FOXO3B: variants seen among roughly 807,000 people sequenced by gnomAD.
FOXO3B encodes forkhead box O3B, also known as forkhead box protein O3B.
A neutral mutation model predicts 21.9 loss-of-function variants in FOXO3B; 15 were observed. The ratio of observed to expected loss-of-function variants is 0.68; its 90% CI spans 0.46 to 1.05. The LOEUF (loss-of-function observed/expected upper bound fraction) is 1.05. Ranked by LOEUF, FOXO3B falls within the 50% of genes least tolerant of loss-of-function variation. FOXO3B has a pLI of 0.00. For synonymous variants in FOXO3B, 135 were observed against 213.6 expected, an observed-to-expected ratio of 0.63 and a Z score of 3.21; for missense variants, 293 against 435.5, an observed-to-expected ratio of 0.67 and a Z score of 2.91.
chr17:18,677,715 G>A, intron 3 of FOXO3B: 5 of 1,597,718 alleles, frequency 3.1e-6, no homozygotes, highest in Non-Finnish European at 4.3e-6. Context: ...GAAGCTGGCG[G>A]CCAAGAAAAA....
In FOXO3B at chr17:18,674,639, A is replaced by AAAGGG. The variant is rs61684359; in HGVS notation, c.127-1585_127-1584insCCCTT. Among the ~76,000 whole-genome samples, 587 of 121,294 alleles carry AAAGGG rather than the reference A, an allele frequency of 4.8e-3. 27 individuals carry two copies. The highest frequency in any genetic ancestry group is 0.02 in the African/African-American group (556 of 28,418). The allele number at this position is 121,294 out of a possible 152,430, so 79.6% of individuals were successfully genotyped here. Reference sequence around the variant, plus strand: ...AGACTCCATCTCAAAAAAAAAAAAAAGGGGGGGGGGAGATTACAGACAAAT... The same window carrying AAAGGG: ...AGACTCCATCTCAAAAAAAAAAAAAAAAGGGGGGGGGGGGGAGATTACAGACAAAT... On this transcript the variant is annotated intron_variant, in intron 3 of 3. Coordinates refer to ENST00000395675, the MANE Select transcript of FOXO3B (RefSeq NM_001368135.1).
In FOXO3B at chr17:18,671,016, C is replaced by A; in HGVS notation, c.*1293G>T. The A allele has an allele frequency of 2.4e-6, 3 of 1,238,890 alleles. No homozygotes were observed. The highest frequency in any genetic ancestry group is 1.8e-5 in the Admixed American group (1 of 55,770). The allele number at this position is 1,238,890 out of a possible 1,614,324, so 76.7% of individuals were successfully genotyped here. A position where few individuals can be genotyped will look rare whatever the true frequency, so the allele number is the denominator to read the frequency against. ...GAGGGAATCAAAGTTAAAATCCAAC[C>A]CATCAGCATCCATGAGTTCACTACG... is the stretch of plus-strand genomic sequence containing the variant. On this transcript the variant is annotated 3_prime_UTR_variant, in exon 4 of 4. Coordinates refer to ENST00000395675, the MANE Select transcript of FOXO3B (RefSeq NM_001368135.1).
intron 3 of FOXO3B, among the ~76,000 whole-genome samples, chr17:18,673,975 A>G (rs2649415): frequency 1.1e-4 from 16 of 150,700 alleles, no homozygotes; most frequent in East Asian, 5.8e-4. Context: ...TTTGATGACA[A>G]TAAGTACCAT....
Position 18,672,248 on chromosome 17 carries a change from C to A in FOXO3B, c.*61G>T, listed in dbSNP as rs2032383526. ...ATCCACCAAGAGCTCTTGCCAGTTC[C>A]CTCATTCTGGACCCGCATGAATCGA... On this transcript the variant is annotated 3_prime_UTR_variant, in exon 4 of 4. Coordinates refer to ENST00000395675, the MANE Select transcript of FOXO3B (RefSeq NM_001368135.1). The surrounding 1 kb of genome is among the most constrained non-coding windows in gnomAD (Gnocchi z 4.2). 6.2e-7 allele frequency: 1 copy of A among 1,612,776 alleles called. No homozygotes were observed. The highest frequency in any genetic ancestry group is 8.5e-7 in the Non-Finnish European group (1 of 1,179,024).
chr17:18,669,547 C>T lies in FOXO3B; in HGVS notation c.*2762G>A, dbSNP rs1430532028. ...CTATTCCGTCTACCAAAGAAGGTAA[C>T]GAATATAATCACACTTTCCAGGTTA... On this transcript the variant is annotated 3_prime_UTR_variant, in exon 4 of 4. Transcript: ENST00000395675. 2.0e-5 allele frequency: 3 copies of T among 152,454 alleles called. No individual in the cohort carries two copies. Among genetic ancestry groups the T allele is most frequent in the Non-Finnish European group, 2.9e-5 (2 of 68,032 alleles). 9.4% of individuals were successfully genotyped at this position (152,454 alleles called of 1,614,324 possible). A position where few individuals can be genotyped will look rare whatever the true frequency, so the allele number is the denominator to read the frequency against.
At chr17:18,676,818 A>G (rs1028392477) in intron 3 of FOXO3B, among the ~76,000 whole-genome samples, 22 of 151,804 alleles carry the variant, frequency 1.4e-4, no homozygotes, top group Non-Finnish European at 8.8e-5. Context: ...CTCCTGCCTC[A>G]GCCTCCCAAG....
intron 3 of FOXO3B, among the ~76,000 whole-genome samples, chr17:18,674,832 G>A (rs1295470674): frequency 6.6e-6 from 1 of 152,106 alleles, no homozygotes; most frequent in Admixed American, 6.5e-5. Flanking sequence ...TCATACTACT[G>A]TGGAAGATCG....
In FOXO3B at chr17:18,672,408, G is replaced by C; in HGVS notation, c.774C>G (p.Ser258=). The change falls in exon 4 of 4, where the codon TCC becomes TCG. Residue 258 remains serine (S), a synonymous_variant. Transcript: ENST00000395675. This position sits in a 1 kb window ranked among gnomAD's most constrained non-coding sequence, Gnocchi z 4.2. ...ADLITRAIES[S]PDRRLTLSQI... Reference sequence around the variant, plus strand: ...GGGACAGAGTGAGCCGTCTGTCCGGGGAGCTCTCGATGGCGCGGGTGATCA... The same window carrying C: ...GGGACAGAGTGAGCCGTCTGTCCGGCGAGCTCTCGATGGCGCGGGTGATCA... The C allele has an allele frequency of 6.2e-7, 1 of 1,613,098 alleles. No individual in the cohort carries two copies. The highest frequency in any genetic ancestry group is 8.5e-7 in the Non-Finnish European group (1 of 1,179,490).
In FOXO3B at chr17:18,674,647, G is replaced by GGA. The variant is rs1555619493; in HGVS notation, c.127-1593_127-1592insTC. Reference sequence around the variant, plus strand: ...TCTCAAAAAAAAAAAAAAGGGGGGGGGGAGATTACAGACAAATGCAAATTT... The same window carrying GGA: ...TCTCAAAAAAAAAAAAAAGGGGGGGGGAGGAGATTACAGACAAATGCAAATTT... On this transcript the variant is annotated intron_variant, in intron 3 of 3. Coordinates refer to ENST00000395675, the MANE Select transcript of FOXO3B (RefSeq NM_001368135.1). 2.3e-4 allele frequency among the ~76,000 whole-genome samples: 34 copies of GGA among 146,020 alleles called. 1 individual carries two copies. The highest frequency in any genetic ancestry group is 8.2e-4 in the African/African-American group (32 of 38,806).
In FOXO3B at chr17:18,669,757, T is replaced by C. The variant is rs941222469; in HGVS notation, c.*2552A>G. 2.0e-5 allele frequency among the ~76,000 whole-genome samples: 3 copies of C among 152,212 alleles called. No individual in the cohort carries two copies. Among genetic ancestry groups the C allele is most frequent in the Non-Finnish European group, 4.4e-5 (3 of 68,042 alleles). On this transcript the variant is annotated 3_prime_UTR_variant, in exon 4 of 4. Coordinates refer to ENST00000395675, the MANE Select transcript of FOXO3B (RefSeq NM_001368135.1). Reference sequence around the variant, plus strand: ...CTATTGCCTCTCACTCATACACTTCTAGCAGATCAGATTATATAGCAAGGC... The same window carrying C: ...CTATTGCCTCTCACTCATACACTTCCAGCAGATCAGATTATATAGCAAGGC...
At position 18,669,752 on chromosome 17, in the gene FOXO3B, A is replaced by G. The variant is rs2032329141; in HGVS notation, c.*2557T>C. The stretch of plus-strand genomic sequence containing the variant: ...ATATGCTATTGCCTCTCACTCATAC[A>G]CTTCTAGCAGATCAGATTATATAGC... On this transcript the variant is annotated 3_prime_UTR_variant, in exon 4 of 4. Coordinates refer to ENST00000395675, the MANE Select transcript of FOXO3B (RefSeq NM_001368135.1). Among the ~76,000 whole-genome samples, 1 of 152,170 alleles carries G rather than the reference A, an allele frequency of 6.6e-6. No individual in the cohort carries two copies. Among genetic ancestry groups the G allele is most frequent in the South Asian group, 2.1e-4 (1 of 4,828 alleles).
At chr17:18,680,607 C>T in intron 3 of FOXO3B, 134 bp downstream of exon 3, 1 of 661,044 alleles carries the variant, frequency 1.5e-6, no homozygotes, top group Non-Finnish European at 2.5e-6. Flanking sequence ...AGTCTCCTGA[C>T]TAGTCTCTTA....
rs772289752 is a variant in FOXO3B, at chr17:18,673,020, G to T, written c.162C>A (p.Ser54Arg). The change falls in exon 4 of 4, where the codon AGC becomes AGA. Residue 54 changes from serine (S) to arginine (R), a missense_variant. Ser to Arg is a moderately radical substitution (Grantham distance 110). Transcript: ENST00000395675. ...AAAAAAPGSRSLRGVHVPPPL... is the reference protein window; with the variant it reads ...AAAAAAPGSRRLRGVHVPPPL... ...GGGGAGGGACGTGGACGCCGCGAAG[G>T]CTCCGGCTCCCGGGCGCCGCCGCCG... is the stretch of plus-strand genomic sequence containing the variant. The T allele has an allele frequency of 1.4e-6, 2 of 1,460,628 alleles. No individual in the cohort carries two copies. Among genetic ancestry groups the T allele is most frequent in the South Asian group, 2.5e-5 (2 of 78,454 alleles). The allele number at this position is 1,460,628 out of a possible 1,614,324, so 90.5% of individuals were successfully genotyped here.
At chr17:18,679,220 C>T (rs1381387120) in intron 3 of FOXO3B, among the ~76,000 whole-genome samples, 1 of 152,232 alleles carries the variant, frequency 6.6e-6, no homozygotes, top group African/African-American at 2.4e-5. Context: ...ATTTTATCCG[C>T]TGCAACTTAA....
Position 18,672,556 on chromosome 17 carries a change from T to G in FOXO3B, c.626A>C (p.Gln209Pro), listed in dbSNP as rs1020892764. 6.9e-7 allele frequency: 1 copy of G among 1,453,512 alleles called. No homozygotes were observed. Among genetic ancestry groups the G allele is most frequent in the Non-Finnish European group, 9.0e-7 (1 of 1,107,064 alleles). The allele number at this position is 1,453,512 out of a possible 1,614,324, so 90.0% of individuals were successfully genotyped here. ...CGGTTGCTGAGGCTGCAGCAGCGCC[T>G]GTGTACCCCCGCTCAGCCCGCCCGC... Reference protein sequence around the residue: ...TAAGGLSGGTQALLQPQQPLP... With the variant: ...TAAGGLSGGTPALLQPQQPLP... The change falls in exon 4 of 4, where the codon CAG becomes CCG. Residue 209 changes from glutamine (Q) to proline (P), a missense_variant. Gln to Pro is a moderately conservative substitution (Grantham distance 76). Transcript: ENST00000395675. The surrounding 1 kb of genome is among the most constrained non-coding windows in gnomAD (Gnocchi z 4.2).
intron 3 of FOXO3B, among the ~76,000 whole-genome samples, chr17:18,677,090 T>C (rs548923389): frequency 2.6e-5 from 4 of 152,326 alleles, no homozygotes; most frequent in African/African-American, 9.6e-5. Context: ...ATGGCTAAAA[T>C]GAAAACAAGC....
chr17:18,674,201 G>C (rs1291021201), intron 3 of FOXO3B, among the ~76,000 whole-genome samples: 2 of 151,970 alleles, frequency 1.3e-5, no homozygotes, highest in Non-Finnish European at 1.5e-5. Context: ...TTGTGGGAAT[G>C]ATGAGACTAA....
Position 18,670,239 on chromosome 17 carries a change from G to T in FOXO3B, c.*2070C>A, listed in dbSNP as rs1471117327. ...GCATGGTTCAGTCCTGGACGGGTGC[G>T]CATAGCAAACAATTGTGCCATTGTT... On this transcript the variant is annotated 3_prime_UTR_variant, in exon 4 of 4. Transcript: ENST00000395675. Among the ~76,000 whole-genome samples the T allele has an allele frequency of 6.6e-6, 1 of 152,152 alleles. No homozygotes were observed. The highest frequency in any genetic ancestry group is 2.4e-5 in the African/African-American group (1 of 41,432).
At chr17:18,678,848 C>A (rs1304090210) in intron 3 of FOXO3B, among the ~76,000 whole-genome samples, 1 of 152,250 alleles carries the variant, frequency 6.6e-6, no homozygotes, top group Admixed American at 6.5e-5. Flanking sequence ...TGTGCGTGCA[C>A]GTGAATGTGT....
Sources: gnomAD v4.1 joint callset for allele counts (sites outside exome capture counted in the v4.1 genomes callset) on GRCh38, gnomAD v4.1.1 for gene constraint, Gnocchi (gnomAD v3.1) non-coding constraint, MANE v1.5 for transcripts, NCBI Gene and HGNC (gene_info 2026-07-23, HGNC 2026-07-21) for gene names.